Variants in UBE2V2 observed in about 807,000 individuals in gnomAD.
UBE2V2 encodes the protein ubiquitin-conjugating enzyme E2 variant 2.
A neutral mutation model predicts 17.2 loss-of-function variants in UBE2V2; 9 were observed. The observed-to-expected ratio is 0.52, with a 90% CI of 0.32 to 0.91. The LOEUF is 0.91. Ranked by LOEUF, UBE2V2 falls within the 40% of genes least tolerant of loss-of-function variation. The pLI, the probability that UBE2V2 is intolerant of heterozygous loss-of-function variation, is 0.04. For missense variants in UBE2V2, 133 were observed against 182.6 expected (o/e 0.73, Z 1.56); for synonymous variants, 61 against 57.5 (o/e 1.06, Z -0.28).
At chr8:48,027,184 A>G (rs765057704) in intron 1 of UBE2V2, among the ~76,000 whole-genome samples, 6 of 152,092 alleles carry the variant, frequency 3.9e-5, no homozygotes, top group Non-Finnish European at 4.4e-5. Context: ...TGTTTTTAGT[A>G]GAGACTGGAT....
chr8:48,056,917 G>GT (rs1328390382), intron 3 of UBE2V2, among the ~76,000 whole-genome samples: 3 of 151,800 alleles, frequency 2.0e-5, no homozygotes, highest in African/African-American at 7.3e-5. Context: ...TAGAGATGGG[G>GT]TTTTACCATG....
At chr8:48,020,474 A>G (rs561137519) in intron 1 of UBE2V2, among the ~76,000 whole-genome samples, 115 of 152,234 alleles carry the variant, frequency 7.6e-4, no homozygotes, top group Middle Eastern at 6.8e-3. Context: ...GTCTTGATTA[A>G]ATAATTTAAT....
chr8:48,007,028 C>G (rs925212502), upstream of UBE2V2, among the ~76,000 whole-genome samples: 1 of 151,638 alleles, frequency 6.6e-6, no homozygotes, highest in African/African-American at 2.4e-5. Context: ...CTACAGGGGC[C>G]TGCCACCATG....
At position 48,061,935 on chromosome 8, in the gene UBE2V2, A is replaced by T. The variant is rs558990647; in HGVS notation, c.*1107A>T. The T allele has an allele frequency of 2.6e-5, 4 of 152,284 alleles. No individual in the cohort carries two copies. Among genetic ancestry groups the T allele is most frequent in the Admixed American group, 2.6e-4 (4 of 15,288 alleles). The allele number at this position is 152,284 out of a possible 1,614,324, so 9.4% of individuals were successfully genotyped here. On this transcript the variant is annotated 3_prime_UTR_variant, in exon 4 of 4. Coordinates refer to ENST00000523111, the MANE Select transcript of UBE2V2 (RefSeq NM_003350.3). ...TTTTTCTGTGAAGCTTTTGGTTAAT[A>T]AATAGGGTCAACTAATTGGAGACTT... is the stretch of plus-strand genomic sequence containing the variant.
Position 48,045,956 on chromosome 8 carries a change from T to C in UBE2V2, c.165+2775T>C, listed in dbSNP as rs147883204. Reference sequence around the variant, plus strand: ...AGAGGAGGAAGACTTTTTTGTTTGTTTGTTTTTGAGACAGAGTTTGGCTCT... The same window carrying C: ...AGAGGAGGAAGACTTTTTTGTTTGTCTGTTTTTGAGACAGAGTTTGGCTCT... On this transcript the variant is annotated intron_variant, in intron 2 of 3. Coordinates refer to ENST00000523111, the MANE Select transcript of UBE2V2 (RefSeq NM_003350.3). Among the ~76,000 whole-genome samples, 440 of 152,038 alleles carry C rather than the reference T, an allele frequency of 2.9e-3. 3 individuals carry two copies. Among genetic ancestry groups the C allele is most frequent in the African/African-American group, 0.01 (431 of 41,468 alleles).
At position 48,008,446 on chromosome 8, in the gene UBE2V2, CAGG is replaced by C. The variant is rs764494870; in HGVS notation, c.-6_-4del. On this transcript the variant is annotated 5_prime_UTR_variant, in exon 1 of 4. Coordinates refer to ENST00000523111, the MANE Select transcript of UBE2V2 (RefSeq NM_003350.3). The stretch of plus-strand genomic sequence containing the variant: ...GCGTGCGGGCGGCTGCGTCGGGCTG[CAGG>C]AGAAGATGGCGGTCTCCACAGGTCG... 2.6e-6 allele frequency: 4 copies of C among 1,566,236 alleles called. No individual in the cohort carries two copies. In the East Asian group the frequency reaches 7.8e-5, roughly 31 times the overall value.
intron 3 of UBE2V2, among the ~76,000 whole-genome samples, chr8:48,052,851 C>T (rs1276951151): frequency 1.3e-5 from 2 of 152,192 alleles, no homozygotes; most frequent in Non-Finnish European, 2.9e-5. Flanking sequence ...TTCTGTTCTT[C>T]CTCCTTCCTC....
chr8:48,007,097 C>T (rs2091188614), upstream of UBE2V2, among the ~76,000 whole-genome samples: 1 of 151,482 alleles, frequency 6.6e-6, no homozygotes, highest in Non-Finnish European at 1.5e-5. Flanking sequence ...ACTGTGTTAG[C>T]CAAGATGGTC....
chr8:48,064,245 T>G lies in UBE2V2; in HGVS notation c.*3417T>G, dbSNP rs555522319. 6.6e-6 allele frequency: 1 copy of G among 152,226 alleles called. No individual in the cohort carries two copies. Among genetic ancestry groups the G allele is most frequent in the Non-Finnish European group, 1.5e-5 (1 of 68,036 alleles). 9.4% of individuals were successfully genotyped at this position (152,226 alleles called of 1,614,324 possible). A position where few individuals can be genotyped will look rare whatever the true frequency, so the allele number is the denominator to read the frequency against. ...TAGTATCATTTATTGCTGGGATGGA[T>G]CGAAAAGCACTGCTTTTACTTTTCT... On this transcript the variant is annotated 3_prime_UTR_variant, in exon 4 of 4. Transcript: ENST00000523111.
chr8:48,013,876 T>C (rs924867068), intron 1 of UBE2V2, among the ~76,000 whole-genome samples: 1 of 152,248 alleles, frequency 6.6e-6, no homozygotes, highest in Non-Finnish European at 1.5e-5. Flanking sequence ...GACAGACTAC[T>C]GTGCCACCAT....
Position 48,039,096 on chromosome 8 carries a change from G to T in UBE2V2, c.17-3937G>T, listed in dbSNP as rs191205164. 9.0e-3 allele frequency among the ~76,000 whole-genome samples: 1,321 copies of T among 146,794 alleles called. 16 individuals carry two copies. Among genetic ancestry groups the T allele is most frequent in the Middle Eastern group, 0.016 (4 of 254 alleles). On this transcript the variant is annotated intron_variant, in intron 1 of 3. Coordinates refer to ENST00000523111, the MANE Select transcript of UBE2V2 (RefSeq NM_003350.3). ...TTGTATTTTTAGTAGAGACGGGTTT[G>T]ACCATGCTGGCCAGGCTGGTCTCGA...
chr8:48,040,212 G>A (rs1280592330), intron 1 of UBE2V2, among the ~76,000 whole-genome samples: 3 of 151,738 alleles, frequency 2.0e-5, no homozygotes, highest in Non-Finnish European at 4.4e-5. Context: ...ATTCGATTTT[G>A]TTTTTTGGGG....
chr8:48,018,534 ATCT>A (rs1297007475), intron 1 of UBE2V2, among the ~76,000 whole-genome samples: 3 of 152,174 alleles, frequency 2.0e-5, no homozygotes, highest in Non-Finnish European at 4.4e-5. Flanking sequence ...TATGATTTCC[ATCT>A]TCTTAAATTT....
chr8:48,018,482 G>C (rs2091284379), intron 1 of UBE2V2, among the ~76,000 whole-genome samples: 1 of 152,072 alleles, frequency 6.6e-6, no homozygotes, highest in South Asian at 2.1e-4. Context: ...TCCTGTTAAT[G>C]ATTTCTAGTT....
At chr8:48,015,050 C>CAAAAAAAAAAAAAAAAAAA (rs1173137634) in intron 1 of UBE2V2, among the ~76,000 whole-genome samples, 3 of 63,750 alleles carry the variant, frequency 4.7e-5, no homozygotes, top group African/African-American at 1.2e-4. Context: ...ACTCCATCTC[C>CAAAAAAAAAAAAAAAAAAA]AAAAAAAAAA....
At chr8:48,044,359 G>A (rs373953649) in intron 2 of UBE2V2, among the ~76,000 whole-genome samples, 19 of 152,276 alleles carry the variant, frequency 1.2e-4, no homozygotes, top group African/African-American at 4.6e-4. Flanking sequence ...ATGTCGGCCA[G>A]GCTGGTCTCG....
intron 1 of UBE2V2, among the ~76,000 whole-genome samples, chr8:48,022,395 C>G (rs1337189251): frequency 6.6e-6 from 1 of 152,150 alleles, no homozygotes; most frequent in African/African-American, 2.4e-5. Context: ...CTTGGCCTCT[C>G]AAAGTGCTGG....
chr8:48,056,762 C>T (rs192920350), intron 3 of UBE2V2, among the ~76,000 whole-genome samples: 9 of 152,196 alleles, frequency 5.9e-5, no homozygotes, highest in East Asian at 1.9e-4. Context: ...CTTGCTGTGC[C>T]GCCCAGGCTG....
the UBE2V2 span, among the ~76,000 whole-genome samples, chr8:48,001,755 TCAAA>T: frequency 6.6e-6 from 1 of 152,094 alleles, no homozygotes; most frequent in Non-Finnish European, 1.5e-5. Flanking sequence ...TATAAGGAAC[TCAAA>T]CAACTCAAAA....
Sources: gnomAD v4.1 joint callset for allele counts (sites outside exome capture counted in the v4.1 genomes callset) on GRCh38, gnomAD v4.1.1 for gene constraint, MANE v1.5 for transcripts, NCBI Gene and HGNC (gene_info 2026-07-23, HGNC 2026-07-21) for gene names.